The following SNX29 variants were observed in gnomAD, a reference collection of about 807,000 sequenced individuals.
The protein encoded by SNX29 is sorting nexin 29, also known as sorting nexin-29.
Under a neutral mutation model 102.1 loss-of-function variants are expected in SNX29, and 78 were observed. The observed-to-expected ratio is 0.76, with a 90% CI of 0.64 to 0.92. The LOEUF (loss-of-function observed/expected upper bound fraction) is 0.92, where lower values mean the gene tolerates loss of function less well. SNX29 is among the 40% of genes least tolerant of loss of function. The pLI is 0.00. For missense variants in SNX29, 1,280 were observed against 1,061.7 expected (o/e 1.21, Z -2.86); for synonymous variants, 580 against 414.5 (o/e 1.40, Z -4.85).
intron 18 of SNX29, among the ~76,000 whole-genome samples, chr16:12,420,346 C>T (rs1038137172): frequency 6.6e-6 from 1 of 152,220 alleles, no homozygotes; most frequent in East Asian, 1.9e-4. Flanking sequence ...TAGACCCATC[C>T]TGATTTCAGA....
At chr16:12,395,025 A>AT (rs1255343388) in intron 16 of SNX29, among the ~76,000 whole-genome samples, 4 of 151,844 alleles carry the variant, frequency 2.6e-5, no homozygotes, top group Admixed American at 1.3e-4. Context: ...GGGTGTGGTA[A>AT]TTTTTTTTAC....
At chr16:12,028,074 T>A (rs1429682547) in intron 4 of SNX29, among the ~76,000 whole-genome samples, 2 of 152,238 alleles carry the variant, frequency 1.3e-5, no homozygotes, top group Non-Finnish European at 2.9e-5. Flanking sequence ...TCATGTCATG[T>A]AACAAATGTC....
At chr16:12,045,694 C>T (rs548182356) in intron 5 of SNX29, among the ~76,000 whole-genome samples, 16 of 150,944 alleles carry the variant, frequency 1.1e-4, no homozygotes, top group East Asian at 7.7e-4. Context: ...TACAGTGGCG[C>T]GATCTCTGCT....
chr16:12,084,103 C>G (rs1254867219), intron 11 of SNX29, among the ~76,000 whole-genome samples: 4 of 152,080 alleles, frequency 2.6e-5, no homozygotes, highest in Non-Finnish European at 4.4e-5. Context: ...CTGCAAGGCC[C>G]TCTGGTACTT....
At chr16:12,536,875 C>T (rs1031092580) in intron 20 of SNX29, among the ~76,000 whole-genome samples, 3 of 152,118 alleles carry the variant, frequency 2.0e-5, no homozygotes, top group Non-Finnish European at 2.9e-5. Flanking sequence ...ACTTGGGAGG[C>T]TGAGGCAAGA....
intron 20 of SNX29, among the ~76,000 whole-genome samples, chr16:12,559,790 G>C (rs78221502): frequency 1.5e-4 from 23 of 152,144 alleles, no homozygotes; most frequent in African/African-American, 4.3e-4. Context: ...CAGCACCTTC[G>C]TCCTTACTAT....
chr16:12,158,553 CAT>C (rs1567262146), intron 13 of SNX29, among the ~76,000 whole-genome samples: 1 of 152,214 alleles, frequency 6.6e-6, no homozygotes, highest in Admixed American at 6.5e-5. Context: ...AGCATTCTCA[CAT>C]ATTTTGTGGT....
chr16:12,198,470 A>C (rs1490345695), intron 13 of SNX29, among the ~76,000 whole-genome samples: 2 of 152,192 alleles, frequency 1.3e-5, no homozygotes, highest in African/African-American at 4.8e-5. Context: ...TTATTTTTAT[A>C]ATCACAGAAA....
intron 18 of SNX29, among the ~76,000 whole-genome samples, chr16:12,458,244 C>T (rs1199803988): frequency 6.6e-6 from 1 of 152,118 alleles, no homozygotes; most frequent in African/African-American, 2.4e-5. Context: ...CATTTTGTAG[C>T]ATATCTGCCC....
At chr16:12,551,645 C>T (rs1386556626) in intron 20 of SNX29, among the ~76,000 whole-genome samples, 1 of 152,200 alleles carries the variant, frequency 6.6e-6, no homozygotes, top group South Asian at 2.1e-4. Context: ...CAAGTATTTT[C>T]TGAGCTTTGG....
At chr16:12,319,714 T>A (rs1380063862) in intron 15 of SNX29, among the ~76,000 whole-genome samples, 1 of 152,090 alleles carries the variant, frequency 6.6e-6, no homozygotes, top group Non-Finnish European at 1.5e-5. Flanking sequence ...CATAGCTCTC[T>A]GTAGTGTGCT....
intron 19 of SNX29, among the ~76,000 whole-genome samples, chr16:12,509,770 A>G (rs1002604520): frequency 1.3e-5 from 2 of 152,154 alleles, no homozygotes; most frequent in African/African-American, 2.4e-5. Flanking sequence ...CCATGAACCA[A>G]TGAATGAATA....
At chr16:12,449,397 TGTGAGCTTGGA>T (rs1053180223) in intron 18 of SNX29, among the ~76,000 whole-genome samples, 4 of 151,986 alleles carry the variant, frequency 2.6e-5, no homozygotes, top group African/African-American at 9.7e-5. Context: ...ATGGCATATG[TGTGAGCTTGGA>T]GTGAGCTGGT....
intron 14 of SNX29, among the ~76,000 whole-genome samples, chr16:12,224,114 T>C (rs936701240): frequency 1.3e-5 from 2 of 152,116 alleles, no homozygotes; most frequent in Non-Finnish European, 2.9e-5. Flanking sequence ...GTGGAACTCT[T>C]TTTCCTTTTG....
chr16:12,562,867 G>A (rs987098630), intron 20 of SNX29, among the ~76,000 whole-genome samples: 3 of 152,134 alleles, frequency 2.0e-5, no homozygotes, highest in Admixed American at 1.3e-4. Context: ...CCCGGTCTGT[G>A]CTTTGTCATT....
chr16:12,468,032 A>G (rs1211151946), intron 18 of SNX29, among the ~76,000 whole-genome samples: 2 of 151,728 alleles, frequency 1.3e-5, no homozygotes, highest in Non-Finnish European at 2.9e-5. Context: ...ATCGTCTTGG[A>G]TCCCTCGTCC....
At chr16:12,513,320 C>A (rs951471623) in intron 19 of SNX29, among the ~76,000 whole-genome samples, 1 of 144,848 alleles carries the variant, frequency 6.9e-6, no homozygotes, top group African/African-American at 2.6e-5. Flanking sequence ...CCCTTCTCTC[C>A]CTTCCCCTGC....
intron 19 of SNX29, among the ~76,000 whole-genome samples, chr16:12,514,724 G>A (rs572592253): frequency 6.6e-6 from 1 of 152,286 alleles, no homozygotes; most frequent in South Asian, 2.1e-4. Context: ...GATTAGCTGG[G>A]CGTGGTGGCA....
chr16:12,013,028 G>A (rs560828284), intron 3 of SNX29, among the ~76,000 whole-genome samples: 1 of 151,786 alleles, frequency 6.6e-6, no homozygotes, highest in African/African-American at 2.4e-5. Flanking sequence ...AGTGGAGGTG[G>A]GTGGGGTGAG....
Sources: allele counts gnomAD v4.1 joint callset (sites outside exome capture counted in the v4.1 genomes callset), GRCh38; gene constraint gnomAD v4.1.1; transcripts MANE v1.5; gene names NCBI Gene and HGNC (gene_info 2026-07-23, HGNC 2026-07-21).